CEP170: variants seen among roughly 807,000 people sequenced by gnomAD.
CEP170 encodes the protein centrosomal protein 170.
In CEP170, 21 loss-of-function variants were observed where a neutral mutation model predicts 151.9. The observed-to-expected ratio is 0.14, with a 90% CI of 0.10 to 0.20. CEP170 has a LOEUF of 0.20. Ranked by LOEUF, CEP170 falls within the 10% of genes least tolerant of loss-of-function variation. CEP170 has a pLI of 1.00. For missense variants in CEP170, 964 were observed against 1,892.9 expected (o/e 0.51, Z 9.11); for synonymous variants, 356 against 648.8 (o/e 0.55, Z 6.86).
At chr1:243,189,597 T>C (rs2060177946) in intron 8 of CEP170, among the ~76,000 whole-genome samples, 1 of 150,806 alleles carries the variant, frequency 6.6e-6, no homozygotes, top group African/African-American at 2.4e-5. Flanking sequence ...TAATAGTCAA[T>C]ATAGAAAATA....
At position 243,124,878 on chromosome 1, in the gene CEP170, C is replaced by T. The variant is rs567349225; in HGVS notation, c.*1571G>A. On this transcript the variant is annotated 3_prime_UTR_variant, in exon 20 of 20. Transcript: ENST00000366542. The stretch of plus-strand genomic sequence containing the variant: ...CTTTACAAGGAGAATAGTTCATTTA[C>T]CTTTTTTTTTTTGTATTTAAAGAAA... The T allele has an allele frequency of 1.3e-5, 2 of 149,120 alleles. No homozygotes were observed. Among genetic ancestry groups the T allele is most frequent in the South Asian group, 4.2e-4 (2 of 4,756 alleles). The allele number at this position is 149,120 out of a possible 1,614,324, so 9.2% of individuals were successfully genotyped here.
rs1432967285 is a variant in CEP170, at chr1:243,164,893, T to C, written c.3067A>G (p.Thr1023Ala). The change falls in exon 13 of 20, where the codon ACA becomes GCA. Residue 1023 changes from threonine (T) to alanine (A), a missense_variant. Thr to Ala is a moderately conservative substitution (Grantham distance 58). Coordinates refer to ENST00000366542, the MANE Select transcript of CEP170 (RefSeq NM_014812.3). ...ACACTAGAGGTTTGGTCATCATCTGTTAAGTCTACTGAGGGCTGTCTTATT... is the reference window on the plus strand; with the variant it reads ...ACACTAGAGGTTTGGTCATCATCTGCTAAGTCTACTGAGGGCTGTCTTATT... ...GRIRQPSVDLTDDDQTSSVPH... is the reference protein window; with the variant it reads ...GRIRQPSVDLADDDQTSSVPH... The C allele has an allele frequency of 1.2e-6, 2 of 1,613,740 alleles. No individual in the cohort carries two copies. The highest frequency in any genetic ancestry group is 1.1e-5 in the South Asian group (1 of 91,076).
At chr1:243,246,811 C>T (rs2065448158) in intron 1 of CEP170, among the ~76,000 whole-genome samples, 1 of 152,030 alleles carries the variant, frequency 6.6e-6, no homozygotes, top group African/African-American at 2.4e-5. Flanking sequence ...AAATGGCCTT[C>T]AATTTGCAAT....
intron 19 of CEP170, among the ~76,000 whole-genome samples, chr1:243,127,916 A>T (rs2053893106): frequency 6.6e-6 from 1 of 152,214 alleles, no homozygotes; most frequent in Non-Finnish European, 1.5e-5. Flanking sequence ...CAAATCACAC[A>T]AATAATGCTA....
intron 10 of CEP170, among the ~76,000 whole-genome samples, chr1:243,180,036 T>G (rs1398762572): frequency 6.6e-6 from 1 of 152,198 alleles, no homozygotes; most frequent in African/African-American, 2.4e-5. Flanking sequence ...CGGTGATGGT[T>G]GTGCAACATT....
At chr1:243,208,382 A>G (rs2061559115) in intron 4 of CEP170, among the ~76,000 whole-genome samples, 1 of 152,040 alleles carries the variant, frequency 6.6e-6, no homozygotes. Flanking sequence ...AACAAAAACA[A>G]AAACGCCTCC....
intron 16 of CEP170, among the ~76,000 whole-genome samples, 158 bp downstream of exon 16, chr1:243,139,779 A>G (rs2055605503): frequency 6.6e-6 from 1 of 152,216 alleles, no homozygotes; most frequent in Admixed American, 6.5e-5. Flanking sequence ...TCTAAGTGAC[A>G]TAATTATTTG....
At chr1:243,214,285 T>G (rs1442832939) in intron 3 of CEP170, among the ~76,000 whole-genome samples, 2 of 144,672 alleles carry the variant, frequency 1.4e-5, no homozygotes, top group South Asian at 2.3e-4. Context: ...GTAAAGTTTT[T>G]TTTTTTTTTT....
At chr1:243,253,545 T>C (rs1489066344) in intron 1 of CEP170, among the ~76,000 whole-genome samples, 1 of 152,236 alleles carries the variant, frequency 6.6e-6, no homozygotes, top group African/African-American at 2.4e-5. Flanking sequence ...AAGGCAGCCC[T>C]AGTTTTACTT....
chr1:243,152,322 C>T (rs545139998), intron 14 of CEP170, among the ~76,000 whole-genome samples: 2 of 147,878 alleles, frequency 1.4e-5, no homozygotes, highest in East Asian at 2.1e-4. Flanking sequence ...CCTGGGTTCA[C>T]GCCATTCTCT....
intron 3 of CEP170, among the ~76,000 whole-genome samples, chr1:243,212,707 T>C (rs2061927857): frequency 6.6e-6 from 1 of 152,116 alleles, no homozygotes; most frequent in Non-Finnish European, 1.5e-5. Flanking sequence ...TCTCTCTTTC[T>C]TTCAGGGTCG....
At chr1:243,219,276 T>C (rs2148967413) in intron 3 of CEP170, among the ~76,000 whole-genome samples, 1 of 152,364 alleles carries the variant, frequency 6.6e-6, no homozygotes, top group Admixed American at 6.5e-5. Context: ...CTGCATTGCA[T>C]CTTTGCTTTC....
chr1:243,221,935 G>T, intron 2 of CEP170, 122 bp from the exon 3 acceptor site: 1 of 793,630 alleles, frequency 1.3e-6, no homozygotes, highest in South Asian at 2.4e-5. Flanking sequence ...AAGTAAGTGT[G>T]GATTAAATGA....
intron 1 of CEP170, among the ~76,000 whole-genome samples, chr1:243,239,637 A>G (rs2064622706): frequency 6.6e-6 from 1 of 152,148 alleles, no homozygotes; most frequent in African/African-American, 2.4e-5. Context: ...TGAAAGCTCT[A>G]TGCTGTCCCA....
intron 13 of CEP170, among the ~76,000 whole-genome samples, chr1:243,158,972 G>C (rs2057811992): frequency 6.6e-6 from 1 of 152,154 alleles, no homozygotes; most frequent in African/African-American, 2.4e-5. Context: ...GAGGCTAAGA[G>C]AGGAGAATTA....
chr1:243,203,821 T>TA (rs1187744059), intron 4 of CEP170, among the ~76,000 whole-genome samples: 7 of 152,102 alleles, frequency 4.6e-5, no homozygotes, highest in African/African-American at 1.7e-4. Context: ...TATGATAAAT[T>TA]AGAGTCCACA....
chr1:243,175,724 G>C (rs2059185427), intron 10 of CEP170, among the ~76,000 whole-genome samples: 2 of 152,108 alleles, frequency 1.3e-5, no homozygotes, highest in South Asian at 4.1e-4. Context: ...AACATGCAAG[G>C]CTTCACTTCA....
chr1:243,187,606 T>A (rs556165397), intron 8 of CEP170, among the ~76,000 whole-genome samples: 1 of 152,196 alleles, frequency 6.6e-6, no homozygotes, highest in Admixed American at 6.5e-5. Context: ...ACCCACTGAA[T>A]AATATGGTAC....
rs1405209841 is a variant in CEP170 at position 243,196,243 on chromosome 1, ACTT to A, written c.631+2814_631+2816del. ...GAGTAATGATGGCTGAAATATTAAA[ACTT>A]CTTATGGTTAAGAGCGTGGACTCAG... On this transcript the variant is annotated intron_variant, in intron 7 of 19. Coordinates refer to ENST00000366542, the MANE Select transcript of CEP170 (RefSeq NM_014812.3). Among the ~76,000 whole-genome samples the A allele has an allele frequency of 2.6e-5, 4 of 151,950 alleles. No individual in the cohort carries two copies. The East Asian group carries it at 7.7e-4, about 29-fold the overall frequency.
Sources: allele counts gnomAD v4.1 joint callset (sites outside exome capture counted in the v4.1 genomes callset), GRCh38; gene constraint gnomAD v4.1.1; transcripts MANE v1.5; gene names NCBI Gene and HGNC (gene_info 2026-07-23, HGNC 2026-07-21).